Variants in D2HGDH observed in about 807,000 individuals in gnomAD.
D2HGDH encodes the protein D-2-hydroxyglutarate dehydrogenase.
A neutral mutation model predicts 46.9 loss-of-function variants in D2HGDH; 31 were observed. That is an observed-to-expected ratio of 0.66 (90% CI 0.50 to 0.89). The LOEUF (loss-of-function observed/expected upper bound fraction) is 0.89. D2HGDH is among the 40% of genes least tolerant of loss of function. The pLI is 0.00. For missense variants in D2HGDH, 698 were observed against 720.8 expected, an observed-to-expected ratio of 0.97 and a Z score of 0.36; for synonymous variants, 364 against 332.6, an observed-to-expected ratio of 1.09 and a Z score of -1.03.
intron 2 of D2HGDH, 67 bp from the exon 3 acceptor site, chr2:241,740,966 C>A: frequency 7.5e-7 from 1 of 1,341,490 alleles, no homozygotes; most frequent in Non-Finnish European, 1.1e-6. Flanking sequence ...CTCTCTGGGG[C>A]GAGTGACCAC....
intron 9 of D2HGDH, among the ~76,000 whole-genome samples, chr2:241,762,343 T>C (rs1010046645): frequency 2.6e-5 from 4 of 152,200 alleles, no homozygotes; most frequent in Admixed American, 6.5e-5. Context: ...GTGCTGAGAT[T>C]GCAGGTGTGA....
chr2:241,764,352 A>G (rs1273195710), intron 9 of D2HGDH, among the ~76,000 whole-genome samples: 1 of 152,252 alleles, frequency 6.6e-6, no homozygotes, highest in East Asian at 1.9e-4. Context: ...GAAATAACAG[A>G]GGCTCATGAC....
In D2HGDH at chr2:241,759,949, A is replaced by G. The variant is rs113851206; in HGVS notation, c.1306+3935A>G. 2.0e-3 allele frequency among the ~76,000 whole-genome samples: 312 copies of G among 152,328 alleles called. 1 individual carries two copies. Among genetic ancestry groups the G allele is most frequent in the African/African-American group, 7.4e-3 (306 of 41,562 alleles). ...GGATGTTTCTGTGAAGATATTTTTT[A>G]TGTGTGATTAACATTTAAATCAGTA... On this transcript the variant is annotated intron_variant, in intron 9 of 9. Coordinates refer to ENST00000321264, the MANE Select transcript of D2HGDH (RefSeq NM_152783.5).
rs200759843 is a variant in D2HGDH at position 241,741,107 on chromosome 2, C to T, written c.350+17C>T. 24 of 1,611,650 alleles carry T rather than the reference C, an allele frequency of 1.5e-5. No individual in the cohort carries two copies. The highest frequency in any genetic ancestry group is 1.5e-4 in the African/African-American group (11 of 74,992). On this transcript the variant is annotated intron_variant, in intron 3 of 9. Transcript: ENST00000321264. ...CATCCTCAGGTGAGGTGGTGGCTCC[C>T]GGCTCCCCCAGCCTTCCCTGTTGCC...
chr2:241,763,020 G>C (rs1698966567), intron 9 of D2HGDH, among the ~76,000 whole-genome samples: 1 of 152,172 alleles, frequency 6.6e-6, no homozygotes, highest in South Asian at 2.1e-4. Context: ...AGGGGAGGTG[G>C]TTTGCTTCTG....
At chr2:241,754,989 G>A in intron 8 of D2HGDH, 2 of 1,249,752 alleles carry the variant, frequency 1.6e-6, no homozygotes, top group Non-Finnish European at 1.0e-6. Flanking sequence ...CCCTGCAGGG[G>A]AGAGGTGGTC....
chr2:241,755,651 C>G (rs1199901730), intron 8 of D2HGDH, 198 bp from the exon 9 acceptor site: 127 of 1,539,148 alleles, frequency 8.3e-5, no homozygotes, highest in Non-Finnish European at 1.0e-4. Context: ...TGTCCTGGGT[C>G]AGAGCCCCTC....
chr2:241,748,529 G>A (rs1478562742), intron 6 of D2HGDH, among the ~76,000 whole-genome samples: 1 of 152,216 alleles, frequency 6.6e-6, no homozygotes, highest in Non-Finnish European at 1.5e-5. Flanking sequence ...CCCTTCTCCT[G>A]GATCTGCCCC....
intron 2 of D2HGDH, among the ~76,000 whole-genome samples, chr2:241,740,629 C>T (rs1559350344): frequency 6.6e-6 from 1 of 152,186 alleles, no homozygotes; most frequent in African/African-American, 2.4e-5. Flanking sequence ...AGATGATTCT[C>T]CCTCCTCAGC....
intron 6 of D2HGDH, among the ~76,000 whole-genome samples, chr2:241,747,602 T>C (rs1296293942): frequency 6.6e-6 from 1 of 151,054 alleles, no homozygotes; most frequent in Non-Finnish European, 1.5e-5. Context: ...AAGGTCTCAC[T>C]CTGTCATCCA....
In D2HGDH at chr2:241,743,396, A is replaced by G. The variant is rs1366267737; in HGVS notation, c.491-226A>G. On this transcript the variant is annotated intron_variant, in intron 4 of 9. Coordinates refer to ENST00000321264, the MANE Select transcript of D2HGDH (RefSeq NM_152783.5). This position sits in a 1 kb window ranked among gnomAD's most constrained non-coding sequence, Gnocchi z 4.8. The stretch of plus-strand genomic sequence containing the variant: ...GTGGGAAGTTTTTTCCTCTCTTTTC[A>G]TGTTACTCATTTTTTTTTTGTGTCA... Among the ~76,000 whole-genome samples, 3 of 151,588 alleles carry G rather than the reference A, an allele frequency of 2.0e-5. No homozygotes were observed. The highest frequency in any genetic ancestry group is 7.3e-5 in the African/African-American group (3 of 41,230).
At chr2:241,741,314 C>G (rs142746989) in intron 3 of D2HGDH, among the ~76,000 whole-genome samples, 142 of 152,346 alleles carry the variant, frequency 9.3e-4, no homozygotes, top group African/African-American at 3.2e-3. Context: ...TTTCTTGGCA[C>G]TGTCTGTAAC....
At chr2:241,750,042 C>A in intron 6 of D2HGDH, 109 bp from the exon 7 acceptor site, 1 of 1,557,940 alleles carries the variant, frequency 6.4e-7, no homozygotes, top group Non-Finnish European at 8.8e-7. Context: ...TCGTGGCTGC[C>A]CAGCTCACCC....
intron 8 of D2HGDH, among the ~76,000 whole-genome samples, chr2:241,751,764 C>T (rs942911444): frequency 2.0e-5 from 3 of 152,140 alleles, no homozygotes; most frequent in Non-Finnish European, 4.4e-5. Context: ...GCTGTGGAGG[C>T]TTAGCCTGGA....
At position 241,740,605 on chromosome 2, in the gene D2HGDH, G is replaced by A. The variant is rs560470315; in HGVS notation, c.293-428G>A. 1.0e-3 allele frequency among the ~76,000 whole-genome samples: 156 copies of A among 152,246 alleles called. 2 individuals carry two copies. The highest frequency in any genetic ancestry group is 3.5e-3 in the African/African-American group (146 of 41,554). Reference sequence around the variant, plus strand: ...TGCGATCATAGCTCACTGCAGCCTTGACCTCCTGGACTCAGATGATTCTCC... The same window carrying A: ...TGCGATCATAGCTCACTGCAGCCTTAACCTCCTGGACTCAGATGATTCTCC... On this transcript the variant is annotated intron_variant, in intron 2 of 9. Coordinates refer to ENST00000321264, the MANE Select transcript of D2HGDH (RefSeq NM_152783.5).
intron 6 of D2HGDH, chr2:241,748,896 G>T: frequency 7.7e-7 from 1 of 1,298,928 alleles, no homozygotes. Flanking sequence ...GTGGTCCTGG[G>T]AGCCCGAGGC....
At position 241,751,260 on chromosome 2, in the gene D2HGDH, G is replaced by A. The variant is rs1106639; in HGVS notation, c.1012G>A (p.Val338Ile). The A allele has an allele frequency of 0.25, 409,998 of 1,613,708 alleles. 53,154 individuals carry two copies. The highest frequency in any genetic ancestry group is 0.33 in the Middle Eastern group (1,987 of 6,060). Residue 338 changes from valine (V) to isoleucine (I), a missense_variant, in exon 8 of 10, where the codon GTC (valine) becomes ATC (isoleucine). Physicochemically the swap from Val to Ile is conservative, Grantham distance 29. Transcript: ENST00000321264. ...CTCACTTCTAGAGAGTCCGTTTTACGTCCTCATCGAGACTTCAGGCTCCAA... is the reference window on the plus strand; with the variant it reads ...CTCACTTCTAGAGAGTCCGTTTTACATCCTCATCGAGACTTCAGGCTCCAA... ...ASPVQESPFYVLIETSGSNAG... is the reference protein window; with the variant it reads ...ASPVQESPFYILIETSGSNAG...
At chr2:241,749,552 G>A (rs1187039958) in intron 6 of D2HGDH, 6 of 362,250 alleles carry the variant, frequency 1.7e-5, no homozygotes, top group South Asian at 2.2e-5. Context: ...GCACTAACAC[G>A]CCTGTTGGAT....
chr2:241,753,984 T>A (rs953701899), intron 8 of D2HGDH, among the ~76,000 whole-genome samples: 26 of 152,138 alleles, frequency 1.7e-4, no homozygotes, highest in African/African-American at 6.0e-4. Flanking sequence ...AAGATGACCC[T>A]GAGGGGTCAT....
Sources: allele counts gnomAD v4.1 joint callset (sites outside exome capture counted in the v4.1 genomes callset), GRCh38; gene constraint gnomAD v4.1.1; non-coding constraint Gnocchi (gnomAD v3.1); transcripts MANE v1.5; gene names NCBI Gene and HGNC (gene_info 2026-07-23, HGNC 2026-07-21).